Variants in STX8 observed in about 807,000 individuals in gnomAD.
The protein encoded by STX8 is syntaxin 8, also known as syntaxin-8.
Under a neutral mutation model 37.5 loss-of-function variants are expected in STX8, and 23 were observed. The observed-to-expected ratio is 0.61, with a 90% CI of 0.44 to 0.87. STX8 has a LOEUF of 0.87. STX8 is among the 40% of genes least tolerant of loss of function. STX8 has a pLI of 0.00. For synonymous variants in STX8, 115 were observed against 99.1 expected, an observed-to-expected ratio of 1.16 and a Z score of -0.95; for missense variants, 313 against 284.7, an observed-to-expected ratio of 1.10 and a Z score of -0.71.
In STX8 at chr17:9,280,423, G is replaced by A. The variant is rs543065969; in HGVS notation, c.644-29778C>T. Among the ~76,000 whole-genome samples the A allele has an allele frequency of 4.6e-5, 7 of 152,098 alleles. No individual in the cohort carries two copies. The South Asian group carries it at 1.2e-3, about 27-fold the overall frequency. On this transcript the variant is annotated intron_variant, in intron 7 of 7. Coordinates refer to ENST00000306357, the MANE Select transcript of STX8 (RefSeq NM_004853.3). Reference sequence around the variant, plus strand: ...ACAAAATTAGCCGGGTGTGGTGGCGGGCGCCTGTAATCCCAGCTACTTGGG... The same window carrying A: ...ACAAAATTAGCCGGGTGTGGTGGCGAGCGCCTGTAATCCCAGCTACTTGGG...
intron 7 of STX8, among the ~76,000 whole-genome samples, chr17:9,294,460 T>C (rs535692728): frequency 1.3e-5 from 2 of 152,104 alleles, no homozygotes; most frequent in Admixed American, 6.6e-5. Context: ...CAGCTCTGAG[T>C]GAGGGTGGAA....
intron 5 of STX8, among the ~76,000 whole-genome samples, chr17:9,499,456 T>C (rs1904530401): frequency 2.0e-5 from 3 of 152,212 alleles, no homozygotes. Context: ...TGGAGTGTAG[T>C]AGCACAATCT....
intron 6 of STX8, among the ~76,000 whole-genome samples, chr17:9,433,732 A>G (rs1373314314): frequency 6.6e-6 from 1 of 152,154 alleles, no homozygotes; most frequent in East Asian, 1.9e-4. Flanking sequence ...GGAATCCAAA[A>G]GAGTGAAAAC....
At position 9,525,505 on chromosome 17, in the gene STX8, C is replaced by T. The variant is rs1002470410; in HGVS notation, c.323+19667G>A. Among the ~76,000 whole-genome samples, 7 of 152,006 alleles carry T rather than the reference C, an allele frequency of 4.6e-5. No individual in the cohort carries two copies. In the East Asian group the frequency reaches 1.4e-3, roughly 30 times the overall value. On this transcript the variant is annotated intron_variant, in intron 4 of 7. Transcript: ENST00000306357. ...GGGACTACAGGCGCCCGCCACCACA[C>T]CCAGCTAATTTTTTGTATTTTTAGT...
intron 7 of STX8, among the ~76,000 whole-genome samples, chr17:9,293,765 CT>C (rs541071064): frequency 0.19 from 27,413 of 144,698 alleles, 2,945 homozygotes; most frequent in Non-Finnish European, 0.26. Flanking sequence ...ATTTATAGTA[CT>C]TTTTTTTTTT....
chr17:9,287,005 G>A (rs1908097779), intron 7 of STX8, among the ~76,000 whole-genome samples: 1 of 152,174 alleles, frequency 6.6e-6, no homozygotes, highest in South Asian at 2.1e-4. Context: ...GAAGGATGAT[G>A]TATGTCATGT....
At chr17:9,339,639 G>A (rs903893113) in intron 7 of STX8, among the ~76,000 whole-genome samples, 109 of 152,176 alleles carry the variant, frequency 7.2e-4, no homozygotes, top group African/African-American at 2.5e-3. Context: ...TCCAGCCTGG[G>A]CGACAGAGTG....
intron 6 of STX8, among the ~76,000 whole-genome samples, chr17:9,455,879 G>A (rs1368091716): frequency 6.6e-6 from 1 of 152,176 alleles, no homozygotes; most frequent in Non-Finnish European, 1.5e-5. Flanking sequence ...CTATAAGGGG[G>A]AGGTACGCAA....
At chr17:9,574,539 T>A (rs1017056068) in intron 1 of STX8, among the ~76,000 whole-genome samples, 11 of 63,550 alleles carry the variant, frequency 1.7e-4, no homozygotes, top group South Asian at 1.4e-3. Context: ...TTTGGGGTTT[T>A]TTATTTTTTT....
intron 7 of STX8, among the ~76,000 whole-genome samples, chr17:9,353,085 G>A (rs949551162): frequency 9.5e-5 from 3 of 31,490 alleles, no homozygotes; most frequent in African/African-American, 2.2e-4. Context: ...TGGTAGAGAC[G>A]GGGTCTGACT....
chr17:9,342,625 C>T (rs112713127), intron 7 of STX8, among the ~76,000 whole-genome samples: 3 of 151,922 alleles, frequency 2.0e-5, no homozygotes, highest in Admixed American at 6.6e-5. Context: ...GTGTGTGGCG[C>T]GTGTGTTTAT....
At chr17:9,411,796 T>C (rs185710885) in intron 6 of STX8, among the ~76,000 whole-genome samples, 1 of 152,318 alleles carries the variant, frequency 6.6e-6, no homozygotes, top group African/African-American at 2.4e-5. Flanking sequence ...TCCATTAATA[T>C]GCTGCATTTA....
At chr17:9,344,654 C>T (rs1177736538) in intron 7 of STX8, among the ~76,000 whole-genome samples, 1 of 152,198 alleles carries the variant, frequency 6.6e-6, no homozygotes, top group Non-Finnish European at 1.5e-5. Context: ...TGCAAAGATG[C>T]ACAATGCCAC....
chr17:9,470,739 T>G (rs1049201119), intron 6 of STX8, among the ~76,000 whole-genome samples: 11 of 152,118 alleles, frequency 7.2e-5, no homozygotes, highest in Non-Finnish European at 1.3e-4. Context: ...TCTTTTTTCT[T>G]TTTTTGAGAC....
chr17:9,424,355 C>A (rs1913549316), intron 6 of STX8, among the ~76,000 whole-genome samples: 1 of 151,950 alleles, frequency 6.6e-6, no homozygotes, highest in Non-Finnish European at 1.5e-5. Context: ...ACTTTCTCAA[C>A]CAGTTTATCC....
chr17:9,394,625 A>T (rs1456545087), intron 6 of STX8, among the ~76,000 whole-genome samples: 1 of 151,472 alleles, frequency 6.6e-6, no homozygotes. Context: ...TCAGCCTCCC[A>T]AAGTGCTGGG....
intron 7 of STX8, among the ~76,000 whole-genome samples, chr17:9,373,938 T>TAAA (rs76173982): frequency 0.021 from 2,183 of 105,266 alleles, 52 homozygotes; most frequent in African/African-American, 0.066. Flanking sequence ...GAACTCTATC[T>TAAA]AAAAAAAAAA....
intron 6 of STX8, among the ~76,000 whole-genome samples, chr17:9,480,615 G>A (rs1267959086): frequency 2.0e-5 from 3 of 152,124 alleles, no homozygotes; most frequent in Non-Finnish European, 4.4e-5. Context: ...TAGGGGAGAA[G>A]GATGACCTCA....
chr17:9,535,430 T>TTA (rs1428317722), intron 4 of STX8, among the ~76,000 whole-genome samples: 2 of 89,974 alleles, frequency 2.2e-5, no homozygotes, highest in South Asian at 4.9e-4. Context: ...CCTACTTTTT[T>TTA]TTTTTTTTTT....
Sources: gnomAD v4.1 joint callset for allele counts (sites outside exome capture counted in the v4.1 genomes callset) on GRCh38, gnomAD v4.1.1 for gene constraint, MANE v1.5 for transcripts, NCBI Gene and HGNC (gene_info 2026-07-23, HGNC 2026-07-21) for gene names.